TTF2: variants seen among roughly 807,000 people sequenced by gnomAD.
TTF2 encodes transcription termination factor 2.
TTF2 carries 108 observed loss-of-function variants against 142.4 expected under a neutral mutation model. That is an observed-to-expected ratio of 0.76 (90% confidence interval 0.65 to 0.89). The LOEUF (loss-of-function observed/expected upper bound fraction) is 0.89. TTF2 is among the 40% of genes least tolerant of loss of function. TTF2 has a pLI of 0.00. For missense variants in TTF2, 1,327 were observed against 1,379.8 expected (o/e 0.96, Z 0.61); for synonymous variants, 483 against 506.2 (o/e 0.95, Z 0.61).
intron 3 of TTF2, among the ~76,000 whole-genome samples, chr1:117,069,175 A>G (rs763385916): frequency 1.3e-5 from 2 of 152,108 alleles, no homozygotes; most frequent in Non-Finnish European, 2.9e-5. Context: ...ATTCGGCTTT[A>G]TGTTTTTCCA....
rs992825543 is a variant in TTF2 at position 117,063,070 on chromosome 1, A to C, written c.218+597A>C. Among the ~76,000 whole-genome samples, 1 of 152,064 alleles carries C rather than the reference A, an allele frequency of 6.6e-6. No homozygotes were observed. Among genetic ancestry groups the C allele is most frequent in the Non-Finnish European group, 1.5e-5 (1 of 68,010 alleles). On this transcript the variant is annotated intron_variant, in intron 3 of 22. Coordinates refer to ENST00000369466, the MANE Select transcript of TTF2 (RefSeq NM_003594.4). This position sits in a 1 kb window ranked among gnomAD's most constrained non-coding sequence, Gnocchi z 4.1. ...TAGTTTAACATATCTTTAAACAGAG[A>C]CTTTAGGCGATAAGGCTGGCCAGGA...
rs374764977 is a variant in TTF2, at chr1:117,093,912, C to T, written c.2976+1011C>T. Among the ~76,000 whole-genome samples, 52 of 152,308 alleles carry T rather than the reference C, an allele frequency of 3.4e-4. No homozygotes were observed. Among genetic ancestry groups the T allele is most frequent in the Middle Eastern group, 3.4e-3 (1 of 294 alleles). On this transcript the variant is annotated intron_variant, in intron 18 of 22. Coordinates refer to ENST00000369466, the MANE Select transcript of TTF2 (RefSeq NM_003594.4). The surrounding 1 kb of genome is among the most constrained non-coding windows in gnomAD (Gnocchi z 4.5). ...GAGGCTTCTTACTGGAATTTGACCC[C>T]GGCTCGTGGGCCATAAATCCAGCCC...
rs185136653 is a variant in TTF2, at chr1:117,099,416, A to G, written c.3344+509A>G. Among the ~76,000 whole-genome samples the G allele has an allele frequency of 6.4e-4, 97 of 152,308 alleles. No individual in the cohort carries two copies. The Middle Eastern group carries it at 0.014, about 21-fold the overall frequency. Reference sequence around the variant, plus strand: ...TCAAAATCAGGTTATTAAAATTAATAAAACACTATTATCTGATCTACAGAT... The same window carrying G: ...TCAAAATCAGGTTATTAAAATTAATGAAACACTATTATCTGATCTACAGAT... On this transcript the variant is annotated intron_variant, in intron 22 of 22. Transcript: ENST00000369466. The surrounding 1 kb of genome is among the most constrained non-coding windows in gnomAD (Gnocchi z 4.3).
At position 117,091,953 on chromosome 1, in the gene TTF2, A is replaced by G; in HGVS notation, c.2805+3A>G. 2 of 1,610,956 alleles carry G rather than the reference A, an allele frequency of 1.2e-6. No homozygotes were observed. Among genetic ancestry groups the G allele is most frequent in the Non-Finnish European group, 1.7e-6 (2 of 1,179,130 alleles). ...GTCATCTTTCTTTACTGAAGTCGGT[A>G]AGAAAAGCCCTCAGCCTGCTGTCAT... On this transcript the variant is annotated splice_donor_region_variant and intron_variant, in intron 17 of 22. Transcript: ENST00000369466.
At chr1:117,096,681 TA>T (rs965953485) in intron 20 of TTF2, among the ~76,000 whole-genome samples, 9 of 152,184 alleles carry the variant, frequency 5.9e-5, no homozygotes, top group Non-Finnish European at 1.3e-4. Context: ...CCCAGCCATA[TA>T]AAGAGAATTC....
rs1243001405 is a variant in TTF2 at position 117,086,943 on chromosome 1, C to T, written c.2160+421C>T. 6.7e-6 allele frequency among the ~76,000 whole-genome samples: 1 copy of T among 149,486 alleles called. No individual in the cohort carries two copies. Among genetic ancestry groups the T allele is most frequent in the African/African-American group, 2.5e-5 (1 of 39,878 alleles). ...ATCTTTCCCTGCCTCCCTTTACTTC[C>T]CAGAAAAAAAAAAAGGGTTGCAAAT... On this transcript the variant is annotated intron_variant, in intron 12 of 22. Coordinates refer to ENST00000369466, the MANE Select transcript of TTF2 (RefSeq NM_003594.4). The surrounding 1 kb of genome is among the most constrained non-coding windows in gnomAD (Gnocchi z 4.2).
rs769263533 is a variant in TTF2, at chr1:117,060,523, C to T, written c.97C>T (p.Arg33Trp). 9 of 1,613,762 alleles carry T rather than the reference C, an allele frequency of 5.6e-6. No homozygotes were observed. The highest frequency in any genetic ancestry group is 8.5e-7 in the Non-Finnish European group (1 of 1,179,762). ...TAAAGGAAAGAGCTTCTACGTGTGC[C>T]GGGCAGACACGTGCAGCTTCGTGCG... is the stretch of plus-strand genomic sequence containing the variant. ...PNKGKSFYVCRADTCSFVRAT... is the reference protein window; with the variant it reads ...PNKGKSFYVCWADTCSFVRAT... Residue 33 changes from arginine to tryptophan, a missense_variant, in exon 2 of 23, where the codon CGG (arginine) becomes TGG (tryptophan). Physicochemically the swap from Arg to Trp is moderately radical, Grantham distance 101. Coordinates refer to ENST00000369466, the MANE Select transcript of TTF2 (RefSeq NM_003594.4).
In TTF2 at chr1:117,063,152, A is replaced by G. The variant is rs1461360110; in HGVS notation, c.218+679A>G. Among the ~76,000 whole-genome samples, 1 of 152,210 alleles carries G rather than the reference A, an allele frequency of 6.6e-6. No homozygotes were observed. The highest frequency in any genetic ancestry group is 1.5e-5 in the Non-Finnish European group (1 of 68,042). ...TGTGTGATATTCTATGCACTTCATA[A>G]TTTATATATTCTAGATCCCCCCACC... On this transcript the variant is annotated intron_variant, in intron 3 of 22. Coordinates refer to ENST00000369466, the MANE Select transcript of TTF2 (RefSeq NM_003594.4). The surrounding 1 kb of genome is among the most constrained non-coding windows in gnomAD (Gnocchi z 4.1).
rs764550892 is a variant in TTF2 at position 117,079,069 on chromosome 1, A to G, written c.1702-499A>G. 4.7e-4 allele frequency among the ~76,000 whole-genome samples: 71 copies of G among 152,006 alleles called. No homozygotes were observed. Among genetic ancestry groups the G allele is most frequent in the Non-Finnish European group, 5.4e-4 (37 of 67,976 alleles). On this transcript the variant is annotated intron_variant, in intron 8 of 22. Coordinates refer to ENST00000369466, the MANE Select transcript of TTF2 (RefSeq NM_003594.4). The surrounding 1 kb of genome is among the most constrained non-coding windows in gnomAD (Gnocchi z 4.2). Reference sequence around the variant, plus strand: ...AGCCTGGCCAACATGGTGAAACCCCATCTCTACTAAAAATAAGAAAATTAG... The same window carrying G: ...AGCCTGGCCAACATGGTGAAACCCCGTCTCTACTAAAAATAAGAAAATTAG...
chr1:117,096,105 TTAATC>T, intron 19 of TTF2, 39 bp from the exon 20 acceptor site: 1 of 1,608,136 alleles, frequency 6.2e-7, no homozygotes. Context: ...ATGAGTCTGT[TTAATC>T]TATGTTAGGG....
In TTF2 at chr1:117,107,151, CTT is replaced by C. The variant is rs1297353710; in HGVS notation, c.*5628_*5629del. 2.0e-5 allele frequency: 3 copies of C among 152,300 alleles called. No individual in the cohort carries two copies. The East Asian group carries it at 5.8e-4, about 29-fold the overall frequency. The allele number at this position is 152,300 out of a possible 1,614,324, so 9.4% of individuals were successfully genotyped here. The stretch of plus-strand genomic sequence containing the variant: ...CTCTTTTTTTGCCTCACCTTGGAGT[CTT>C]GGGCTCTGTTGATCACTGACTCTGC... On this transcript the variant is annotated 3_prime_UTR_variant, in exon 23 of 23. Coordinates refer to ENST00000369466, the MANE Select transcript of TTF2 (RefSeq NM_003594.4).
intron 3 of TTF2, among the ~76,000 whole-genome samples, chr1:117,072,314 T>G (rs573786853): frequency 6.6e-6 from 1 of 152,100 alleles, no homozygotes; most frequent in African/African-American, 2.4e-5. Context: ...TTGTTCTATA[T>G]GTATCCTATC....
chr1:117,099,379 C>A lies in TTF2; in HGVS notation c.3344+472C>A, dbSNP rs192290308. ...ATTAAGGGAATTCTCTTACGTAACC[C>A]CAATAAAATCATCAAAATCAGGTTA... is the stretch of plus-strand genomic sequence containing the variant. On this transcript the variant is annotated intron_variant, in intron 22 of 22. Transcript: ENST00000369466. The surrounding 1 kb of genome is among the most constrained non-coding windows in gnomAD (Gnocchi z 4.3). Among the ~76,000 whole-genome samples the A allele has an allele frequency of 2.0e-5, 3 of 152,112 alleles. No individual in the cohort carries two copies. Among genetic ancestry groups the A allele is most frequent in the East Asian group, 3.9e-4 (2 of 5,184 alleles).
chr1:117,101,509 C>T lies in TTF2; in HGVS notation c.3474C>T (p.Val1158=). 1 of 1,591,340 alleles carries T rather than the reference C, an allele frequency of 6.3e-7. No homozygotes were observed. The change falls in exon 23 of 23, where the codon GTC becomes GTT. Residue 1158 remains valine, a synonymous_variant. Transcript: ENST00000369466. The surrounding 1 kb of genome is among the most constrained non-coding windows in gnomAD (Gnocchi z 5.9). The stretch of plus-strand genomic sequence containing the variant: ...AGCTCACCTTGGCTGACCTCAGAGT[C>T]CTTTTTGGCATCTAACCTCCTGTGG... ...VTKLTLADLR[V]LFGI is the part of the protein sequence containing the mutation.
At position 117,078,551 on chromosome 1, in the gene TTF2, G is replaced by A. The variant is rs60629556; in HGVS notation, c.1701+508G>A. 5.5e-3 allele frequency among the ~76,000 whole-genome samples: 831 copies of A among 152,318 alleles called. 11 individuals carry two copies. Among genetic ancestry groups the A allele is most frequent in the African/African-American group, 0.019 (792 of 41,566 alleles). ...AAAGGAATAAAACGCTGCAATTAGAGGGAGTGGTGACTAGTGGGAAGATAA... is the reference window on the plus strand; with the variant it reads ...AAAGGAATAAAACGCTGCAATTAGAAGGAGTGGTGACTAGTGGGAAGATAA... On this transcript the variant is annotated intron_variant, in intron 8 of 22. Coordinates refer to ENST00000369466, the MANE Select transcript of TTF2 (RefSeq NM_003594.4).
chr1:117,074,740 T>C, intron 4 of TTF2, 130 bp from the exon 5 acceptor site: 1 of 840,976 alleles, frequency 1.2e-6, no homozygotes, highest in South Asian at 2.1e-5. Context: ...CTGAGTGCAA[T>C]ATACTCATAT....
chr1:117,064,717 C>A (rs1172900078), intron 3 of TTF2, among the ~76,000 whole-genome samples: 1 of 151,938 alleles, frequency 6.6e-6, no homozygotes, highest in Admixed American at 6.6e-5. Flanking sequence ...CGGAGTTTCA[C>A]CATGTTGCCC....
chr1:117,065,837 A>G (rs960440738), intron 3 of TTF2, among the ~76,000 whole-genome samples: 2 of 152,122 alleles, frequency 1.3e-5, no homozygotes, highest in African/African-American at 4.8e-5. Flanking sequence ...CCTTTACCAT[A>G]CAGACATACT....
rs189472846 is a variant in TTF2 at position 117,106,383 on chromosome 1, T to C, written c.*4859T>C. ...TTGAGTTCTTTTTACCCAGATTCCA[T>C]AGCTAAATCCAGATGTATTAATAGG... On this transcript the variant is annotated 3_prime_UTR_variant, in exon 23 of 23. Coordinates refer to ENST00000369466, the MANE Select transcript of TTF2 (RefSeq NM_003594.4). The C allele has an allele frequency of 6.6e-6, 1 of 152,224 alleles. No individual in the cohort carries two copies. The highest frequency in any genetic ancestry group is 1.9e-4 in the East Asian group (1 of 5,184). The allele number at this position is 152,224 out of a possible 1,614,324, so 9.4% of individuals were successfully genotyped here.
Sources: allele counts gnomAD v4.1 joint callset (sites outside exome capture counted in the v4.1 genomes callset), GRCh38; gene constraint gnomAD v4.1.1; non-coding constraint Gnocchi (gnomAD v3.1); transcripts MANE v1.5; gene names NCBI Gene and HGNC (gene_info 2026-07-23, HGNC 2026-07-21).